Variants in CYP7B1 observed in about 807,000 individuals in gnomAD.
The protein encoded by CYP7B1 is cytochrome P450 family 7 subfamily B member 1.
Under a neutral mutation model 42.7 loss-of-function variants are expected in CYP7B1, and 29 were observed. That is an observed-to-expected ratio of 0.68 (90% CI 0.51 to 0.93). The LOEUF (loss-of-function observed/expected upper bound fraction) is 0.93, where lower values mean the gene tolerates loss of function less well. CYP7B1 is among the 40% of genes least tolerant of loss of function. The probability of loss-of-function intolerance (pLI) is 0.00; values close to 1 mark genes in which losing one functional copy is unlikely to be tolerated. For missense variants in CYP7B1, 655 were observed against 600.5 expected (o/e 1.09, Z -0.95); for synonymous variants, 235 against 218.2 (o/e 1.08, Z -0.68).
chr8:64,779,511 T>C (rs1427201993), intron 1 of CYP7B1, among the ~76,000 whole-genome samples: 1 of 152,124 alleles, frequency 6.6e-6, no homozygotes, highest in Non-Finnish European at 1.5e-5. Flanking sequence ...CATCTACTTA[T>C]TATCCAGAGA....
intron 1 of CYP7B1, among the ~76,000 whole-genome samples, chr8:64,767,488 C>T (rs1804117796): frequency 6.6e-6 from 1 of 152,232 alleles, no homozygotes; most frequent in Non-Finnish European, 1.5e-5. Context: ...AACGGGGAAC[C>T]TCACGAGGAC....
intron 4 of CYP7B1, among the ~76,000 whole-genome samples, chr8:64,611,538 C>A (rs1294877340): frequency 1.3e-5 from 2 of 152,120 alleles, no homozygotes. Flanking sequence ...GCTTCAAAAT[C>A]TTTCATCAAA....
downstream of CYP7B1, among the ~76,000 whole-genome samples, chr8:64,588,194 C>T (rs1403277040): frequency 7.1e-6 from 1 of 140,858 alleles, no homozygotes; most frequent in Admixed American, 6.8e-5. Context: ...AAAACATAAC[C>T]ATATCTTTAT....
chr8:64,592,122 A>G lies in CYP7B1; in HGVS notation c.*4520T>C, dbSNP rs915555377. On this transcript the variant is annotated 3_prime_UTR_variant, in exon 6 of 6. Transcript: ENST00000310193. ...GGAATTGCTTGAACCCAGGAAGTGG[A>G]GGTTGCAGTGAGCTGAGATCATGCC... Among the ~76,000 whole-genome samples, 1 of 151,794 alleles carries G rather than the reference A, an allele frequency of 6.6e-6. No homozygotes were observed. The highest frequency in any genetic ancestry group is 2.4e-5 in the African/African-American group (1 of 41,300).
chr8:64,688,717 G>A (rs1385410856), intron 1 of CYP7B1, among the ~76,000 whole-genome samples: 5 of 152,044 alleles, frequency 3.3e-5, no homozygotes, highest in African/African-American at 9.7e-5. Flanking sequence ...TTGAGCCCAG[G>A]AGTTCAAAAC....
At chr8:64,754,272 A>G (rs1807774842) in intron 1 of CYP7B1, among the ~76,000 whole-genome samples, 1 of 152,192 alleles carries the variant, frequency 6.6e-6, no homozygotes, top group African/African-American at 2.4e-5. Context: ...TTACATCACG[A>G]AAGCCCTGCC....
intron 1 of CYP7B1, among the ~76,000 whole-genome samples, chr8:64,784,580 T>C (rs1480997191): frequency 6.6e-6 from 1 of 152,114 alleles, no homozygotes; most frequent in East Asian, 1.9e-4. Context: ...ACTTAATGTA[T>C]CATGGTTCAA....
chr8:64,691,482 TG>T (rs377598990), intron 1 of CYP7B1, among the ~76,000 whole-genome samples: 616 of 53,448 alleles, frequency 0.012, 12 homozygotes, highest in Middle Eastern at 0.067. Context: ...CGATGGCAAC[TG>T]GGGGGGGGGG....
chr8:64,742,172 C>T (rs1201937458), intron 1 of CYP7B1, among the ~76,000 whole-genome samples: 3 of 151,730 alleles, frequency 2.0e-5, no homozygotes, highest in African/African-American at 7.3e-5. Flanking sequence ...TCTGTACTGT[C>T]AATTTAAATA....
intron 1 of CYP7B1, among the ~76,000 whole-genome samples, chr8:64,791,377 A>G (rs1239349986): frequency 6.6e-6 from 1 of 152,230 alleles, no homozygotes; most frequent in East Asian, 1.9e-4. Context: ...GGGACTTTAC[A>G]GATGTGATTT....
chr8:64,600,478 A>T (rs1490405886), intron 5 of CYP7B1, among the ~76,000 whole-genome samples: 1 of 152,120 alleles, frequency 6.6e-6, no homozygotes, highest in Admixed American at 6.5e-5. Flanking sequence ...ACAAATATAA[A>T]TTAGACAAAA....
chr8:64,681,262 C>T (rs1806532784), intron 1 of CYP7B1, among the ~76,000 whole-genome samples: 1 of 152,142 alleles, frequency 6.6e-6, no homozygotes, highest in South Asian at 2.1e-4. Context: ...GGGCCTGTTT[C>T]TTTGTTCAGC....
chr8:64,655,476 A>G (rs1806108028), intron 1 of CYP7B1, among the ~76,000 whole-genome samples: 1 of 152,224 alleles, frequency 6.6e-6, no homozygotes, highest in South Asian at 2.1e-4. Flanking sequence ...ATGAGATACC[A>G]TCTCACACCA....
chr8:64,656,932 C>T (rs1329681552), intron 1 of CYP7B1, among the ~76,000 whole-genome samples: 1 of 152,110 alleles, frequency 6.6e-6, no homozygotes, highest in Non-Finnish European at 1.5e-5. Context: ...AGTGATAACA[C>T]AGACTGGTGG....
intron 1 of CYP7B1, among the ~76,000 whole-genome samples, chr8:64,626,214 T>C (rs1309584676): frequency 6.6e-6 from 1 of 152,120 alleles, no homozygotes; most frequent in Non-Finnish European, 1.5e-5. Flanking sequence ...CCACAGCTGC[T>C]CTCTGGCCCC....
At position 64,593,700 on chromosome 8, in the gene CYP7B1, C is replaced by T. The variant is rs1364914730; in HGVS notation, c.*2942G>A. Among the ~76,000 whole-genome samples the T allele has an allele frequency of 1.3e-5, 2 of 152,118 alleles. No individual in the cohort carries two copies. Among genetic ancestry groups the T allele is most frequent in the African/African-American group, 2.4e-5 (1 of 41,412 alleles). On this transcript the variant is annotated 3_prime_UTR_variant, in exon 6 of 6. Transcript: ENST00000310193. The stretch of plus-strand genomic sequence containing the variant: ...AGGAACATGGGCTCAGTAAACAAGC[C>T]ATTCCTGGTAACAGTGACAGCAAAA...
rs2129632929 is a variant in CYP7B1 at position 64,724,028 on chromosome 8, A to G, written c.122+74438T>C. On this transcript the variant is annotated intron_variant, in intron 1 of 5. Coordinates refer to ENST00000310193, the MANE Select transcript of CYP7B1 (RefSeq NM_004820.5). ...ATAAACAAAGTTCTGAACAGATCAT[A>G]TGCCCACAGAGAACGGTCTGAAAGG... is the stretch of plus-strand genomic sequence containing the variant. 1.3e-5 allele frequency among the ~76,000 whole-genome samples: 2 copies of G among 152,222 alleles called. 1 individual carries two copies. Among genetic ancestry groups the G allele is most frequent in the Admixed American group, 1.3e-4 (2 of 15,302 alleles).
At chr8:64,617,345 C>T (rs1055432125) in intron 2 of CYP7B1, among the ~76,000 whole-genome samples, 1 of 152,152 alleles carries the variant, frequency 6.6e-6, no homozygotes, top group Non-Finnish European at 1.5e-5. Flanking sequence ...TAGTCTGTCT[C>T]TCAAAATTGG....
chr8:64,776,206 A>C (rs1804324818), intron 1 of CYP7B1, among the ~76,000 whole-genome samples: 1 of 152,160 alleles, frequency 6.6e-6, no homozygotes, highest in Non-Finnish European at 1.5e-5. Context: ...CAGACCCTGC[A>C]AAAAGTATGC....
Sources: gnomAD v4.1 joint callset for allele counts (sites outside exome capture counted in the v4.1 genomes callset) on GRCh38, gnomAD v4.1.1 for gene constraint, MANE v1.5 for transcripts, NCBI Gene and HGNC (gene_info 2026-07-23, HGNC 2026-07-21) for gene names.